Variants in EPHB2 observed in about 807,000 individuals in gnomAD.
The protein encoded by EPHB2 is EPH receptor B2, also known as ephrin type-B receptor 2.
Under a neutral mutation model 96.4 loss-of-function variants are expected in EPHB2, and 18 were observed. The observed-to-expected ratio is 0.19, with a 90% confidence interval of 0.13 to 0.28. The LOEUF (loss-of-function observed/expected upper bound fraction) is 0.28, where lower values mean the gene tolerates loss of function less well. Ranked by LOEUF, EPHB2 falls within the 10% of genes least tolerant of loss-of-function variation. EPHB2 has a pLI of 1.00. For synonymous variants in EPHB2, 506 were observed against 534.1 expected, an observed-to-expected ratio of 0.95 and a Z score of 0.72; for missense variants, 989 against 1,355.4, an observed-to-expected ratio of 0.73 and a Z score of 4.25.
chr1:22,759,902 C>A (rs1038365652), intron 1 of EPHB2, among the ~76,000 whole-genome samples: 1 of 152,186 alleles, frequency 6.6e-6, no homozygotes, highest in Non-Finnish European at 1.5e-5. Context: ...AGCAGGCCTG[C>A]ATGTGTGTCA....
intron 3 of EPHB2, among the ~76,000 whole-genome samples, chr1:22,828,992 A>G (rs181458144): frequency 1.3e-5 from 2 of 152,376 alleles, no homozygotes; most frequent in Admixed American, 6.5e-5. Flanking sequence ...CAGGAATTAT[A>G]GAATGCTATA....
intron 3 of EPHB2, among the ~76,000 whole-genome samples, chr1:22,807,068 G>A (rs1486948640): frequency 1.3e-5 from 2 of 152,226 alleles, no homozygotes; most frequent in African/African-American, 4.8e-5. Flanking sequence ...GCACATGTGG[G>A]CCATGGGTCC....
chr1:22,832,179 C>T (rs917508359), intron 3 of EPHB2, among the ~76,000 whole-genome samples: 3 of 152,118 alleles, frequency 2.0e-5, no homozygotes, highest in Non-Finnish European at 2.9e-5. Flanking sequence ...ACAGGGTGCA[C>T]GTCATCAGAA....
intron 5 of EPHB2, 70 bp downstream of exon 5, chr1:22,865,282 A>G: frequency 6.5e-7 from 1 of 1,545,010 alleles, no homozygotes; most frequent in Non-Finnish European, 8.9e-7. Context: ...TGCAGTCCTC[A>G]CAAAAGACTC....
At chr1:22,838,466 C>G (rs759070260) in intron 3 of EPHB2, among the ~76,000 whole-genome samples, 1 of 152,224 alleles carries the variant, frequency 6.6e-6, no homozygotes, top group Non-Finnish European at 1.5e-5. Context: ...CTTTTAGCTC[C>G]GCTTACGTTA....
chr1:22,724,692 C>T (rs755809924), intron 1 of EPHB2, among the ~76,000 whole-genome samples: 1 of 152,206 alleles, frequency 6.6e-6, no homozygotes, highest in Non-Finnish European at 1.5e-5. Context: ...TTGTAGCCAT[C>T]AGAGCACAGC....
Position 22,917,371 on chromosome 1 carries a change from A to C in EPHB2, c.*3801A>C, listed in dbSNP as rs1179276950. 1 of 152,084 alleles carries C rather than the reference A, an allele frequency of 6.6e-6. No individual in the cohort carries two copies. The highest frequency in any genetic ancestry group is 1.5e-5 in the Non-Finnish European group (1 of 68,016). The allele number at this position is 152,084 out of a possible 1,614,324, so 9.4% of individuals were successfully genotyped here. ...CTGGGCCCTGGGCCACTCCTGGCTC[A>C]CTCCAGGGCCCCTGTTGTTTGAAGA... On this transcript the variant is annotated 3_prime_UTR_variant, in exon 16 of 16. Transcript: ENST00000374630.
At chr1:22,756,208 T>C (rs1027290480) in intron 1 of EPHB2, among the ~76,000 whole-genome samples, 7 of 151,758 alleles carry the variant, frequency 4.6e-5, no homozygotes, top group African/African-American at 1.7e-4. Flanking sequence ...CCACAGGCCC[T>C]GGGGAGCGAC....
At position 22,831,416 on chromosome 1, in the gene EPHB2, G is replaced by A. The variant is rs141636275; in HGVS notation, c.812-31621G>A. Among the ~76,000 whole-genome samples the A allele has an allele frequency of 2.0e-4, 30 of 152,206 alleles. No individual in the cohort carries two copies. In the East Asian group the frequency reaches 5.2e-3, roughly 26 times the overall value. On this transcript the variant is annotated intron_variant, in intron 3 of 15. Transcript: ENST00000374630. ...ACTCAGCTGTAGGCATTGTGTAATA[G>A]CATTGATCTATCCAAAAATATTGAG...
intron 11 of EPHB2, 67 bp from the exon 12 acceptor site, chr1:22,907,886 G>C: frequency 6.3e-7 from 1 of 1,579,224 alleles, no homozygotes; most frequent in Non-Finnish European, 8.7e-7. Context: ...TTCCCATTAT[G>C]AGGATGATGC....
intron 9 of EPHB2, among the ~76,000 whole-genome samples, chr1:22,900,854 G>A (rs1271477483): frequency 6.6e-6 from 1 of 152,204 alleles, no homozygotes; most frequent in Non-Finnish European, 1.5e-5. Context: ...TCAGGACAGA[G>A]GAGGAAGCTG....
intron 1 of EPHB2, among the ~76,000 whole-genome samples, chr1:22,776,757 G>T (rs535613472): frequency 6.6e-6 from 1 of 152,228 alleles, no homozygotes; most frequent in Non-Finnish European, 1.5e-5. Flanking sequence ...CTAAATAATT[G>T]TACAGGTTGT....
intron 1 of EPHB2, among the ~76,000 whole-genome samples, chr1:22,768,056 T>A (rs1157514226): frequency 1.3e-5 from 2 of 152,210 alleles, no homozygotes; most frequent in Non-Finnish European, 2.9e-5. Flanking sequence ...GTTCTGTCAC[T>A]GCATCCACAC....
chr1:22,781,499 C>T lies in EPHB2; in HGVS notation c.126+14C>T, dbSNP rs370207627. 16 of 1,613,540 alleles carry T rather than the reference C, an allele frequency of 9.9e-6. No homozygotes were observed. In the African/African-American group the frequency reaches 2.0e-4, roughly 20 times the overall value. ...CCTCCATCAGGGGTGAGTCAGTGGT[C>T]CCCAAACCTTGCATTGGTCCCCAGG... On this transcript the variant is annotated intron_variant, in intron 2 of 15. Transcript: ENST00000374630.
intron 3 of EPHB2, among the ~76,000 whole-genome samples, chr1:22,827,741 G>A (rs978850581): frequency 2.6e-5 from 4 of 152,232 alleles, no homozygotes; most frequent in Non-Finnish European, 5.9e-5. Flanking sequence ...AGTCAGAAGA[G>A]TTAAAAGAAG....
chr1:22,779,328 G>A (rs1281676569), intron 1 of EPHB2, among the ~76,000 whole-genome samples: 1 of 152,062 alleles, frequency 6.6e-6, no homozygotes. Context: ...CCCTGTGCCA[G>A]CCCCCAGTGC....
rs574583048 is a variant in EPHB2 at position 22,803,214 on chromosome 1, G to T, written c.811+18138G>T. On this transcript the variant is annotated intron_variant, in intron 3 of 15. Coordinates refer to ENST00000374630, the MANE Select transcript of EPHB2 (RefSeq NM_017449.5). ...GCTCATTCCATAGCTGCCTGGGCCG[G>T]GCAGGACTGACCCACCTCCCACCCG... Among the ~76,000 whole-genome samples, 43 of 152,244 alleles carry T rather than the reference G, an allele frequency of 2.8e-4. No individual in the cohort carries two copies. The South Asian group carries it at 6.7e-3, about 24-fold the overall frequency.
At chr1:22,864,839 T>A in intron 4 of EPHB2, 38 bp from the exon 5 acceptor site, 1 of 1,372,776 alleles carries the variant, frequency 7.3e-7, no homozygotes, top group Non-Finnish European at 1.0e-6. Flanking sequence ...TAGTACCCCC[T>A]GAGCCCCCCA....
At chr1:22,728,639 C>G (rs1329075936) in intron 1 of EPHB2, among the ~76,000 whole-genome samples, 1 of 152,234 alleles carries the variant, frequency 6.6e-6, no homozygotes, top group Non-Finnish European at 1.5e-5. Context: ...CTGGAAGGTT[C>G]CAGGGCTGGC....
Sources: gnomAD v4.1 joint callset for allele counts (sites outside exome capture counted in the v4.1 genomes callset) on GRCh38, gnomAD v4.1.1 for gene constraint, MANE v1.5 for transcripts, NCBI Gene and HGNC (gene_info 2026-07-23, HGNC 2026-07-21) for gene names.